Variants in SYDE2 observed in about 807,000 individuals in gnomAD.
SYDE2 encodes synapse defective Rho GTPase homolog 2.
In SYDE2, 76 loss-of-function variants were observed where a neutral mutation model predicts 91.5. The ratio of observed to expected loss-of-function variants is 0.83; its 90% CI spans 0.69 to 1.01. The LOEUF (loss-of-function observed/expected upper bound fraction) is 1.01. Ranked by LOEUF, SYDE2 falls within the 50% of genes least tolerant of loss-of-function variation. The pLI, the probability that SYDE2 is intolerant of heterozygous loss-of-function variation, is 0.00. For synonymous variants in SYDE2, 513 were observed against 506.4 expected (o/e 1.01, Z -0.18); for missense variants, 1,364 against 1,367.7 (o/e 1.00, Z 0.04).
intron 4 of SYDE2, among the ~76,000 whole-genome samples, chr1:85,173,533 G>C (rs1292057731): frequency 6.6e-6 from 1 of 152,138 alleles, no homozygotes; most frequent in African/African-American, 2.4e-5. Context: ...CTTCAGTAGA[G>C]AATCAAAGAA....
intron 1 of SYDE2, chr1:85,194,877 C>T: frequency 2.0e-6 from 2 of 984,254 alleles, no homozygotes; most frequent in Non-Finnish European, 1.2e-6. Flanking sequence ...ATCTGTAGTA[C>T]CGGCTGGGCG....
At chr1:85,195,603 C>T (rs572171417) in intron 1 of SYDE2, among the ~76,000 whole-genome samples, 2 of 151,652 alleles carry the variant, frequency 1.3e-5, no homozygotes, top group South Asian at 2.1e-4. Context: ...GCTTTTGAGA[C>T]GGGAAAGTAG....
chr1:85,166,886 A>G (rs918047927), intron 5 of SYDE2, among the ~76,000 whole-genome samples: 1 of 152,210 alleles, frequency 6.6e-6, no homozygotes, highest in Non-Finnish European at 1.5e-5. Flanking sequence ...AAATAAGATA[A>G]GCCAAAAAAT....
chr1:85,190,484 A>G lies in SYDE2; in HGVS notation c.1014T>C (p.Cys338=), dbSNP rs752264118. 1 of 1,614,046 alleles carries G rather than the reference A, an allele frequency of 6.2e-7. No individual in the cohort carries two copies. Among genetic ancestry groups the G allele is most frequent in the South Asian group, 1.1e-5 (1 of 91,084 alleles). Residue 338 remains cysteine (C), a synonymous_variant, in exon 2 of 7, where the codon TGT becomes TGC. Transcript: ENST00000341460. ...TTGTAGCGTTACATACCACATATGT[A>G]CAGTACTCTTTAGATGATTTGAGGA... The part of the protein sequence containing the change: ...QSFLKSSKEY[C]TYVVCNATNS...
chr1:85,186,871 G>A (rs1406856427), intron 2 of SYDE2, among the ~76,000 whole-genome samples: 1 of 152,020 alleles, frequency 6.6e-6, no homozygotes, highest in Non-Finnish European at 1.5e-5. Flanking sequence ...AATTCAAGAT[G>A]GATTAAAGAC....
intron 6 of SYDE2, chr1:85,160,702 C>T: frequency 1.0e-6 from 1 of 985,378 alleles, no homozygotes; most frequent in South Asian, 4.7e-5. Flanking sequence ...TAGTGCTTAA[C>T]TGTCATGCCT....
At chr1:85,155,273 G>C (rs1293685991), downstream of SYDE2, among the ~76,000 whole-genome samples, 1 of 152,044 alleles carries the variant, frequency 6.6e-6, no homozygotes, top group Non-Finnish European at 1.5e-5. Flanking sequence ...AAAGCACTCT[G>C]AACAAATCTG....
At chr1:85,164,151 A>G (rs960835554) in intron 6 of SYDE2, among the ~76,000 whole-genome samples, 4 of 152,366 alleles carry the variant, frequency 2.6e-5, no homozygotes, top group Admixed American at 1.3e-4. Context: ...AGCACATTAC[A>G]TACACAATTT....
chr1:85,190,535 T>A lies in SYDE2; in HGVS notation c.963A>T (p.Leu321=), dbSNP rs1481199805. 6.2e-7 allele frequency: 1 copy of A among 1,613,988 alleles called. No individual in the cohort carries two copies. The highest frequency in any genetic ancestry group is 8.5e-7 in the Non-Finnish European group (1 of 1,179,864). The part of the protein sequence containing the change: ...RSHLSISPVS[L]PKHQLSQSFL... ...AAGACTGTGATAGCTGATGTTTAGG[T>A]AGAGACACAGGTGAGATGGATAAAT... The change falls in exon 2 of 7, where the codon CTA becomes CTT. Residue 321 remains leucine, a synonymous_variant. Coordinates refer to ENST00000341460, the MANE Select transcript of SYDE2 (RefSeq NM_032184.2).
chr1:85,168,653 A>C (rs1478104697), intron 5 of SYDE2, among the ~76,000 whole-genome samples: 1 of 152,216 alleles, frequency 6.6e-6, no homozygotes, highest in Non-Finnish European at 1.5e-5. Flanking sequence ...TGTATCTAAA[A>C]AATACTAAAA....
intron 1 of SYDE2, among the ~76,000 whole-genome samples, chr1:85,191,484 G>A (rs971847672): frequency 6.6e-6 from 1 of 152,188 alleles, no homozygotes; most frequent in African/African-American, 2.4e-5. Flanking sequence ...TCCAGGCCCT[G>A]CGCAGTGGCT....
chr1:85,167,510 A>G (rs1455092070), intron 5 of SYDE2, among the ~76,000 whole-genome samples: 1 of 152,196 alleles, frequency 6.6e-6, no homozygotes, highest in Non-Finnish European at 1.5e-5. Flanking sequence ...GCTGGAATGC[A>G]GTGGCATGAT....
intron 1 of SYDE2, among the ~76,000 whole-genome samples, chr1:85,197,537 T>G (rs1658633827): frequency 6.6e-6 from 1 of 152,180 alleles, no homozygotes; most frequent in Non-Finnish European, 1.5e-5. Context: ...TCCAAATAAG[T>G]TTTGCAGAAA....
Position 85,200,744 on chromosome 1 carries a change from T to C in SYDE2, c.253A>G (p.Arg85Gly), listed in dbSNP as rs566221949. 6 of 1,532,068 alleles carry C rather than the reference T, an allele frequency of 3.9e-6. No individual in the cohort carries two copies. In the South Asian group the frequency reaches 7.2e-5, roughly 18 times the overall value. The allele number at this position is 1,532,068 out of a possible 1,614,324, so 94.9% of individuals were successfully genotyped here. A position where few individuals can be genotyped will look rare whatever the true frequency, so the allele number is the denominator to read the frequency against. ...CCCACCCGGAGGCTCTCGAGGCTTC[T>C]GCTGCAGGACGGCCGCATCCGAGGA... ...RTPRMRPSCSRSLESLRVGAK... is the reference protein window; with the variant it reads ...RTPRMRPSCSGSLESLRVGAK... Residue 85 changes from arginine (R) to glycine (G), a missense_variant, in exon 1 of 7, where the codon AGA becomes GGA. Coordinates refer to ENST00000341460, the MANE Select transcript of SYDE2 (RefSeq NM_032184.2).
At chr1:85,174,685 T>C (rs766153156) in intron 4 of SYDE2, among the ~76,000 whole-genome samples, 10 of 152,160 alleles carry the variant, frequency 6.6e-5, no homozygotes, top group Middle Eastern at 6.8e-3. Context: ...CCTACTTTAG[T>C]CATACCCTAT....
chr1:85,167,459 CTGAT>C (rs1229388338), intron 5 of SYDE2, among the ~76,000 whole-genome samples: 1 of 152,112 alleles, frequency 6.6e-6, no homozygotes, highest in Non-Finnish European at 1.5e-5. Context: ...CAGTTATTGA[CTGAT>C]TGACTGACTG....
intron 1 of SYDE2, among the ~76,000 whole-genome samples, chr1:85,195,454 G>A (rs974142492): frequency 1.3e-5 from 2 of 152,072 alleles, no homozygotes; most frequent in Non-Finnish European, 2.9e-5. Flanking sequence ...GTGTATATGT[G>A]TGTGTGTATC....
Position 85,159,149 on chromosome 1 carries a change from T to C in SYDE2, c.3186A>G (p.Leu1062=), listed in dbSNP as rs1656972551. ...CTGATGAATCAGTACCACTCAAATT[T>C]AACATATGAGGTCGTTCTTTCTTCT... ...LRQKKERPHM[L]NLSGTDSSGV... is the part of the protein sequence containing the mutation. Residue 1062 remains leucine, a synonymous_variant, in exon 7 of 7, where the codon TTA becomes TTG. Transcript: ENST00000341460. 2 of 780,760 alleles carry C rather than the reference T, an allele frequency of 2.6e-6. No individual in the cohort carries two copies. The highest frequency in any genetic ancestry group is 3.4e-5 in the African/African-American group (2 of 59,146). 48.4% of individuals were successfully genotyped at this position (780,760 alleles called of 1,614,324 possible). A position where few individuals can be genotyped will look rare whatever the true frequency, so the allele number is the denominator to read the frequency against.
intron 6 of SYDE2, among the ~76,000 whole-genome samples, chr1:85,162,721 C>T (rs1657107969): frequency 6.6e-6 from 1 of 152,144 alleles, no homozygotes. Context: ...AAGGTGGCTA[C>T]TATTACAAAA....
Sources: gnomAD v4.1 joint callset for allele counts (sites outside exome capture counted in the v4.1 genomes callset) on GRCh38, gnomAD v4.1.1 for gene constraint, MANE v1.5 for transcripts, NCBI Gene and HGNC (gene_info 2026-07-23, HGNC 2026-07-21) for gene names.